The following PTPRT variants were observed in gnomAD, a reference collection of about 807,000 sequenced individuals.
PTPRT encodes protein tyrosine phosphatase receptor type T, also known as receptor-type tyrosine-protein phosphatase T.
Under a neutral mutation model 176.8 loss-of-function variants are expected in PTPRT, and 56 were observed. The observed-to-expected ratio is 0.32, with a 90% CI of 0.26 to 0.40. The LOEUF (loss-of-function observed/expected upper bound fraction) is 0.40, where lower values mean the gene tolerates loss of function less well. PTPRT is among the 10% of genes least tolerant of loss of function. PTPRT has a pLI of 1.00. For synonymous variants in PTPRT, 783 were observed against 739.0 expected (o/e 1.06, Z -0.96); for missense variants, 1,540 against 1,908.2 (o/e 0.81, Z 3.60).
chr20:43,123,429 T>C (rs2013338417), intron 1 of PTPRT, among the ~76,000 whole-genome samples: 1 of 152,184 alleles, frequency 6.6e-6, no homozygotes, highest in African/African-American at 2.4e-5. Flanking sequence ...CCATGACTAC[T>C]TTCTGAGCCA....
chr20:42,507,506 C>T (rs936077764), intron 7 of PTPRT, among the ~76,000 whole-genome samples: 24 of 152,186 alleles, frequency 1.6e-4, no homozygotes, highest in African/African-American at 5.3e-4. Context: ...ATAATTATCA[C>T]GCCAATGTAT....
intron 26 of PTPRT, among the ~76,000 whole-genome samples, chr20:42,099,643 T>C (rs987159251): frequency 6.7e-6 from 1 of 150,240 alleles, no homozygotes; most frequent in African/African-American, 2.4e-5. Flanking sequence ...ATTGGGAAGA[T>C]TCTCCACTTC....
intron 2 of PTPRT, among the ~76,000 whole-genome samples, chr20:42,874,300 C>T (rs1383560915): frequency 6.6e-6 from 1 of 152,132 alleles, no homozygotes; most frequent in African/African-American, 2.4e-5. Flanking sequence ...AGAATTTACT[C>T]CGAACAACAT....
At chr20:42,053,970 T>C in the PTPRT span, among the ~76,000 whole-genome samples, 4 of 152,070 alleles carry the variant, frequency 2.6e-5, no homozygotes, top group South Asian at 8.3e-4. Flanking sequence ...CTGGGCTGAG[T>C]CTGTAGTCAG....
At chr20:42,706,175 CTGTTTGTGTGTGTGTG>C (rs71913325) in intron 6 of PTPRT, among the ~76,000 whole-genome samples, 24,685 of 109,184 alleles carry the variant, frequency 0.23, 2,308 homozygotes, top group East Asian at 0.31. Context: ...CTCTCTCTCT[CTGTTTGTGTGTGTGTG>C]TGTGTGTGTG....
chr20:42,525,490 A>G (rs894683529), intron 7 of PTPRT, among the ~76,000 whole-genome samples: 4 of 152,110 alleles, frequency 2.6e-5, no homozygotes, highest in African/African-American at 9.7e-5. Context: ...CTCTATTCTC[A>G]GCTCTCTTTT....
intron 7 of PTPRT, among the ~76,000 whole-genome samples, chr20:42,600,117 G>A (rs1255120345): frequency 2.6e-5 from 4 of 151,728 alleles, no homozygotes; most frequent in Non-Finnish European, 5.9e-5. Flanking sequence ...ACTTATTTTG[G>A]TTTTTGTTGT....
chr20:42,838,880 C>A (rs1183554673), intron 2 of PTPRT, among the ~76,000 whole-genome samples: 1 of 152,118 alleles, frequency 6.6e-6, no homozygotes, highest in Non-Finnish European at 1.5e-5. Flanking sequence ...CTGGGGAGTC[C>A]TTGCCCCCTT....
intron 7 of PTPRT, among the ~76,000 whole-genome samples, chr20:42,492,023 C>T (rs2071569091): frequency 6.6e-6 from 1 of 152,134 alleles, no homozygotes; most frequent in African/African-American, 2.4e-5. Flanking sequence ...CAATAGTTTG[C>T]TCTTTTTATT....
chr20:42,062,688 T>C, the PTPRT span, among the ~76,000 whole-genome samples: 4 of 152,248 alleles, frequency 2.6e-5, no homozygotes, highest in Non-Finnish European at 5.9e-5. Context: ...CCCCCTTTTT[T>C]TCCCTGCAGG....
At chr20:42,207,275 G>C (rs1313209984) in intron 15 of PTPRT, among the ~76,000 whole-genome samples, 2 of 152,132 alleles carry the variant, frequency 1.3e-5, no homozygotes, top group Non-Finnish European at 2.9e-5. Context: ...ACCAGCAACG[G>C]AACAAAGCTG....
chr20:42,523,929 T>A (rs553328150), intron 7 of PTPRT, among the ~76,000 whole-genome samples: 103 of 152,194 alleles, frequency 6.8e-4, no homozygotes, highest in Non-Finnish European at 1.2e-3. Flanking sequence ...AAGGCTGTAG[T>A]GTGCTATGTT....
chr20:42,868,917 T>C (rs556150416), intron 2 of PTPRT, among the ~76,000 whole-genome samples: 414 of 152,268 alleles, frequency 2.7e-3, no homozygotes, highest in Non-Finnish European at 4.6e-3. Flanking sequence ...TAGTGCTCCT[T>C]AGATGCCCCA....
chr20:42,426,561 T>C (rs1181706902), intron 9 of PTPRT, among the ~76,000 whole-genome samples: 1 of 152,150 alleles, frequency 6.6e-6, no homozygotes, highest in Non-Finnish European at 1.5e-5. Flanking sequence ...AAGAGGACAC[T>C]GAATTGGTTA....
intron 7 of PTPRT, among the ~76,000 whole-genome samples, chr20:42,543,772 T>C (rs1215453257): frequency 6.6e-6 from 1 of 152,122 alleles, no homozygotes; most frequent in Non-Finnish European, 1.5e-5. Context: ...TGATCCATGG[T>C]CTGTAGAATG....
intron 7 of PTPRT, among the ~76,000 whole-genome samples, chr20:42,599,021 G>A (rs890830860): frequency 5.9e-5 from 9 of 152,210 alleles, no homozygotes; most frequent in Admixed American, 5.9e-4. Context: ...GGATGGAGTT[G>A]AGGGAGCAAA....
intron 1 of PTPRT, among the ~76,000 whole-genome samples, chr20:43,024,653 T>G (rs1249578753): frequency 1.3e-5 from 2 of 151,984 alleles, no homozygotes; most frequent in Admixed American, 6.6e-5. Flanking sequence ...TTAAAATGCT[T>G]ACATGAAATG....
chr20:43,172,388 C>G (rs2015023211), intron 1 of PTPRT, among the ~76,000 whole-genome samples: 1 of 152,224 alleles, frequency 6.6e-6, no homozygotes, highest in South Asian at 2.1e-4. Context: ...CTTGCACAGG[C>G]TGTGCAGCAA....
chr20:42,546,786 T>C (rs1171825900), intron 7 of PTPRT, among the ~76,000 whole-genome samples: 1 of 152,122 alleles, frequency 6.6e-6, no homozygotes, highest in African/African-American at 2.4e-5. Flanking sequence ...AGAGGGAGAA[T>C]GACAGGAGAA....
Sources: gnomAD v4.1 joint callset for allele counts (sites outside exome capture counted in the v4.1 genomes callset) on GRCh38, gnomAD v4.1.1 for gene constraint, MANE v1.5 for transcripts, NCBI Gene and HGNC (gene_info 2026-07-23, HGNC 2026-07-21) for gene names.